MUSK: variants seen among roughly 807,000 people sequenced by gnomAD.
MUSK encodes muscle, skeletal receptor tyrosine-protein kinase.
Under a neutral mutation model 88.7 loss-of-function variants are expected in MUSK, and 55 were observed. The observed-to-expected ratio is 0.62, with a 90% CI of 0.50 to 0.78. The LOEUF (loss-of-function observed/expected upper bound fraction) is 0.78. Ranked by LOEUF, MUSK falls within the 30% of genes least tolerant of loss-of-function variation. The pLI is 0.00. For synonymous variants in MUSK, 387 were observed against 391.9 expected (o/e 0.99, Z 0.15); for missense variants, 1,015 against 1,074.3 (o/e 0.94, Z 0.77).
At chr9:110,690,087 T>C (rs1264136560) in intron 3 of MUSK, among the ~76,000 whole-genome samples, 1 of 96,796 alleles carries the variant, frequency 1.0e-5, no homozygotes, top group Non-Finnish European at 1.8e-5. Flanking sequence ...TATATAAATA[T>C]ATATTATATA....
chr9:110,729,982 A>T (rs916938788), intron 5 of MUSK, among the ~76,000 whole-genome samples: 4 of 152,074 alleles, frequency 2.6e-5, no homozygotes, highest in Non-Finnish European at 5.9e-5. Flanking sequence ...GATGACAATC[A>T]ATAATAAAAC....
chr9:110,745,616 A>G (rs373656327), intron 6 of MUSK, among the ~76,000 whole-genome samples: 3 of 152,350 alleles, frequency 2.0e-5, no homozygotes, highest in East Asian at 1.9e-4. Flanking sequence ...GGATACTCAT[A>G]CAATGAGACA....
At chr9:110,742,391 G>A (rs2077113519) in intron 6 of MUSK, among the ~76,000 whole-genome samples, 1 of 152,164 alleles carries the variant, frequency 6.6e-6, no homozygotes, top group Non-Finnish European at 1.5e-5. Context: ...AGGAGGTGGA[G>A]GTTACAGTGA....
intron 1 of MUSK, among the ~76,000 whole-genome samples, chr9:110,678,731 A>G (rs2076063654): frequency 6.6e-6 from 1 of 152,078 alleles, no homozygotes. Flanking sequence ...TTTAAAATTT[A>G]TTTAAGCTTT....
At chr9:110,748,026 T>C in intron 7 of MUSK, 1 of 681,416 alleles carries the variant, frequency 1.5e-6, no homozygotes, top group South Asian at 1.5e-5. Context: ...AAGTGGTAGG[T>C]AACAGCTTCC....
chr9:110,702,718 C>A (rs1194685443), intron 5 of MUSK, among the ~76,000 whole-genome samples: 1 of 151,976 alleles, frequency 6.6e-6, no homozygotes, highest in Non-Finnish European at 1.5e-5. Flanking sequence ...CATGGCAAAA[C>A]TCCATCTCTA....
chr9:110,689,954 A>C (rs1336687389), intron 3 of MUSK, among the ~76,000 whole-genome samples: 1 of 75,396 alleles, frequency 1.3e-5, no homozygotes, highest in African/African-American at 5.2e-5. Context: ...ATTTAAATAT[A>C]AATATATATT....
chr9:110,734,012 C>T (rs984216434), intron 5 of MUSK, among the ~76,000 whole-genome samples: 2 of 151,978 alleles, frequency 1.3e-5, no homozygotes, highest in African/African-American at 4.8e-5. Flanking sequence ...AGAGGAAGAA[C>T]AAGGGCAAGT....
rs148352771 is a variant in MUSK at position 110,671,934 on chromosome 9, G to T, written c.79+2951G>T. 3.7e-3 allele frequency among the ~76,000 whole-genome samples: 558 copies of T among 152,238 alleles called. 6 individuals are homozygous for T. The highest frequency in any genetic ancestry group is 0.013 in the African/African-American group (536 of 41,534). On this transcript the variant is annotated intron_variant, in intron 1 of 14. Transcript: ENST00000374448. Reference sequence around the variant, plus strand: ...CTACAATACGTTGAAGTGTTTGAGCGTACGTGATTTTATCTTTAGATAGAT... The same window carrying T: ...CTACAATACGTTGAAGTGTTTGAGCTTACGTGATTTTATCTTTAGATAGAT...
chr9:110,765,078 G>C (rs1346147991), intron 8 of MUSK, among the ~76,000 whole-genome samples: 1 of 151,848 alleles, frequency 6.6e-6, no homozygotes, highest in Non-Finnish European at 1.5e-5. Flanking sequence ...TTAGTTTCCA[G>C]TTTTTTAAAA....
rs373371718 is a variant in MUSK at position 110,677,949 on chromosome 9, T to C, written c.80-4725T>C. Among the ~76,000 whole-genome samples the C allele has an allele frequency of 8.7e-4, 133 of 152,302 alleles. 3 individuals are homozygous for C. The South Asian group carries it at 0.021, about 24-fold the overall frequency. On this transcript the variant is annotated intron_variant, in intron 1 of 14. Coordinates refer to ENST00000374448, the MANE Select transcript of MUSK (RefSeq NM_005592.4). ...TCCTTATATTTTTGCAAGGATTTTT[T>C]TTCTGCCTAAATGCATAGTAATAAT...
chr9:110,745,196 G>C (rs190576852), intron 6 of MUSK, among the ~76,000 whole-genome samples: 2 of 152,298 alleles, frequency 1.3e-5, no homozygotes, highest in Admixed American at 1.3e-4. Flanking sequence ...CCTGGATGAA[G>C]TCCAGGAGAA....
intron 3 of MUSK, among the ~76,000 whole-genome samples, chr9:110,693,139 T>C (rs1040919795): frequency 5.9e-5 from 9 of 152,172 alleles, no homozygotes; most frequent in Admixed American, 5.2e-4. Context: ...GAAGACTTCA[T>C]TCTGAGGATG....
chr9:110,720,930 G>A (rs1334620323), intron 5 of MUSK, among the ~76,000 whole-genome samples: 2 of 152,020 alleles, frequency 1.3e-5, no homozygotes, highest in Non-Finnish European at 2.9e-5. Context: ...TGCAGGGATG[G>A]TTTAACATAT....
chr9:110,730,996 A>G (rs1288422493), intron 5 of MUSK, among the ~76,000 whole-genome samples: 6 of 152,042 alleles, frequency 3.9e-5, no homozygotes, highest in Non-Finnish European at 8.8e-5. Context: ...TAGATGCAAG[A>G]GAGCTGGGAG....
At chr9:110,762,042 CA>C (rs1447108148) in intron 7 of MUSK, 159 bp from the exon 8 acceptor site, 1 of 778,656 alleles carries the variant, frequency 1.3e-6, no homozygotes, top group African/African-American at 1.9e-5. Flanking sequence ...CCCATTAATG[CA>C]GCATCTGGCC....
chr9:110,755,645 G>C (rs1172260723), intron 7 of MUSK, among the ~76,000 whole-genome samples: 3 of 151,888 alleles, frequency 2.0e-5, no homozygotes, highest in Non-Finnish European at 4.4e-5. Flanking sequence ...AACCTCATCT[G>C]CTTCACTCTC....
chr9:110,761,686 C>T (rs1178190045), intron 7 of MUSK, among the ~76,000 whole-genome samples: 3 of 150,690 alleles, frequency 2.0e-5, no homozygotes, highest in African/African-American at 7.3e-5. Flanking sequence ...CGCCATTCTC[C>T]TGCCTCAGCC....
rs1193904813 is a variant in MUSK at position 110,776,713 on chromosome 9, T to C, written c.1384+58T>C. ...ATGTGTATGTAATTGGATTCATGCA[T>C]GTGTGTTTACACTTATATTTCCTGA... On this transcript the variant is annotated intron_variant, in intron 11 of 14. Coordinates refer to ENST00000374448, the MANE Select transcript of MUSK (RefSeq NM_005592.4). 4.2e-6 allele frequency: 6 copies of C among 1,433,288 alleles called. No homozygotes were observed. The African/African-American group carries it at 4.3e-5, about 10-fold the overall frequency. 88.8% of individuals were successfully genotyped at this position (1,433,288 alleles called of 1,614,324 possible). A position where few individuals can be genotyped will look rare whatever the true frequency, so the allele number is the denominator to read the frequency against.
Sources: allele counts gnomAD v4.1 joint callset (sites outside exome capture counted in the v4.1 genomes callset), GRCh38; gene constraint gnomAD v4.1.1; transcripts MANE v1.5; gene names NCBI Gene and HGNC (gene_info 2026-07-23, HGNC 2026-07-21).